The following HTRA3 variants were observed in gnomAD, a reference collection of about 807,000 sequenced individuals.
HTRA3 encodes the protein HtrA serine peptidase 3, also known as serine protease HTRA3.
In HTRA3, 41 loss-of-function variants were observed where a neutral mutation model predicts 43.2. The observed-to-expected ratio is 0.95, with a 90% confidence interval of 0.74 to 1.23. HTRA3 has a LOEUF of 1.23. HTRA3 is among the 50% of genes most tolerant of loss of function. The pLI, the probability that HTRA3 is intolerant of heterozygous loss-of-function variation, is 0.00. For missense variants in HTRA3, 628 were observed against 647.1 expected (o/e 0.97, Z 0.32); for synonymous variants, 295 against 287.9 (o/e 1.02, Z -0.25).
In HTRA3 at chr4:8,295,893, AG is replaced by A; in HGVS notation, c.1051+1693del. On this transcript the variant is annotated intron_variant, in intron 6 of 8. Transcript: ENST00000307358. This position sits in a 1 kb window ranked among gnomAD's most constrained non-coding sequence, Gnocchi z 6.9. Reference sequence around the variant, plus strand: ...GGGAAGACAATCTGGAGCCAGGCAGAGCCTGTCTTTCCCAAAGAAGCTGAAG... The same window carrying A: ...GGGAAGACAATCTGGAGCCAGGCAGACCTGTCTTTCCCAAAGAAGCTGAAG... 8.9e-6 allele frequency: 11 copies of A among 1,234,618 alleles called. No homozygotes were observed. Among genetic ancestry groups the A allele is most frequent in the Non-Finnish European group, 1.1e-5 (11 of 988,608 alleles). The allele number at this position is 1,234,618 out of a possible 1,614,324, so 76.5% of individuals were successfully genotyped here. A position where few individuals can be genotyped will look rare whatever the true frequency, so the allele number is the denominator to read the frequency against.
intron 7 of HTRA3, among the ~76,000 whole-genome samples, chr4:8,303,740 C>G (rs1713738595): frequency 6.6e-6 from 1 of 151,494 alleles, no homozygotes; most frequent in African/African-American, 2.5e-5. Flanking sequence ...CATGACTCAG[C>G]ATTGTCTGTT....
chr4:8,302,192 C>G (rs571978607), intron 6 of HTRA3, among the ~76,000 whole-genome samples: 1 of 152,134 alleles, frequency 6.6e-6, no homozygotes, highest in African/African-American at 2.4e-5. Context: ...GAGCAGATGT[C>G]GGAGCTCACA....
rs563327501 is a variant in HTRA3 at position 8,282,600 on chromosome 4, G to A, written c.485+64G>A. 123 of 1,303,492 alleles carry A rather than the reference G, an allele frequency of 9.4e-5. 1 individual carries two copies. The South Asian group carries it at 1.5e-3, about 16-fold the overall frequency. The allele number at this position is 1,303,492 out of a possible 1,614,324, so 80.7% of individuals were successfully genotyped here. A position where few individuals can be genotyped will look rare whatever the true frequency, so the allele number is the denominator to read the frequency against. ...TCCCCTGGTACACCCGCCAGCTGCT[G>A]GGGCCCAAACCAGGCTTGATTCTGC... On this transcript the variant is annotated intron_variant, in intron 2 of 8. Transcript: ENST00000307358.
chr4:8,306,773 C>G lies in HTRA3; in HGVS notation c.*637C>G, dbSNP rs73083656. 1 of 152,630 alleles carries G rather than the reference C, an allele frequency of 6.6e-6. No homozygotes were observed. The highest frequency in any genetic ancestry group is 2.4e-5 in the African/African-American group (1 of 41,456). The allele number at this position is 152,630 out of a possible 1,614,324, so 9.5% of individuals were successfully genotyped here. On this transcript the variant is annotated 3_prime_UTR_variant, in exon 9 of 9. Transcript: ENST00000307358. The surrounding 1 kb of genome is among the most constrained non-coding windows in gnomAD (Gnocchi z 8.9). ...TTTCCTCCCCAGGCAGGCAGGAGGC[C>G]GCGGGGAGCACGTGGAAAGTTGGCT...
intron 8 of HTRA3, among the ~76,000 whole-genome samples, chr4:8,305,700 G>T (rs1315124911): frequency 6.6e-6 from 1 of 152,202 alleles, no homozygotes; most frequent in African/African-American, 2.4e-5. Flanking sequence ...AGGGGACAGA[G>T]TGCCTGGCCC....
intron 7 of HTRA3, among the ~76,000 whole-genome samples, chr4:8,303,733 G>A (rs1326198727): frequency 6.6e-6 from 1 of 151,426 alleles, no homozygotes; most frequent in Non-Finnish European, 1.5e-5. Flanking sequence ...TCTGTTCCAT[G>A]ACTCAGCATT....
chr4:8,285,052 G>A (rs4696790), intron 2 of HTRA3, among the ~76,000 whole-genome samples: 2 of 151,774 alleles, frequency 1.3e-5, no homozygotes, highest in African/African-American at 4.8e-5. Context: ...AGTGTTTTCC[G>A]CAGTCCTTGG....
At chr4:8,278,118 G>A (rs1158419746) in intron 1 of HTRA3, among the ~76,000 whole-genome samples, 3 of 152,128 alleles carry the variant, frequency 2.0e-5, no homozygotes, top group Admixed American at 6.5e-5. Context: ...CCTCAGTGTC[G>A]CCATCTGTTC....
intron 3 of HTRA3, among the ~76,000 whole-genome samples, chr4:8,287,853 C>A (rs866742903): frequency 2.6e-5 from 4 of 152,186 alleles, no homozygotes; most frequent in Non-Finnish European, 5.9e-5. Context: ...TCAGCTAGGA[C>A]CCCGGCCTCC....
In HTRA3 at chr4:8,286,812, G is replaced by A; in HGVS notation, c.708+29G>A. On this transcript the variant is annotated intron_variant, in intron 3 of 8. Transcript: ENST00000307358. The surrounding 1 kb of genome is among the most constrained non-coding windows in gnomAD (Gnocchi z 4.9). ...GGTGGGCGTGGGTGGAGGGGCGGAA[G>A]CACCTGGGGCTGGGCATGGTGGCCT... 6.5e-7 allele frequency: 1 copy of A among 1,546,524 alleles called. No homozygotes were observed. Among genetic ancestry groups the A allele is most frequent in the Non-Finnish European group, 8.9e-7 (1 of 1,124,500 alleles).
intron 1 of HTRA3, among the ~76,000 whole-genome samples, chr4:8,271,367 A>G (rs969236273): frequency 9.2e-5 from 14 of 152,298 alleles, no homozygotes; most frequent in African/African-American, 3.1e-4. Context: ...AGTGTCCTCA[A>G]TTGATGAAAC....
chr4:8,280,814 G>T (rs1471522467), intron 1 of HTRA3, among the ~76,000 whole-genome samples: 19 of 152,206 alleles, frequency 1.2e-4, no homozygotes, highest in African/African-American at 4.6e-4. Context: ...ACGAGGGCTG[G>T]TGTGGTTGGT....
intron 7 of HTRA3, 23 bp from the exon 8 acceptor site, chr4:8,304,161 C>A (rs376767441): frequency 6.9e-6 from 11 of 1,601,148 alleles, no homozygotes; most frequent in Non-Finnish European, 8.6e-6. Context: ...AGGGGAGGGG[C>A]CTTGACGGCA....
At chr4:8,270,935 C>T (rs545948014) in intron 1 of HTRA3, among the ~76,000 whole-genome samples, 1 of 152,300 alleles carries the variant, frequency 6.6e-6, no homozygotes, top group East Asian at 1.9e-4. Context: ...TGCATCTCAC[C>T]GTGCAGGTTG....
chr4:8,297,171 C>G lies in HTRA3; in HGVS notation c.1051+2970C>G, dbSNP rs185160915. Among the ~76,000 whole-genome samples the G allele has an allele frequency of 0.016, 2,491 of 152,094 alleles. 55 individuals carry two copies. The highest frequency in any genetic ancestry group is 0.061 in the East Asian group (314 of 5,124). ...CAATAGTGGAAAAGTCTGGGGAAGG[C>G]AGCCCAGCCACCTGGCAGGAGCAGG... On this transcript the variant is annotated intron_variant, in intron 6 of 8. Transcript: ENST00000307358. This position sits in a 1 kb window ranked among gnomAD's most constrained non-coding sequence, Gnocchi z 5.8.
intron 7 of HTRA3, 111 bp downstream of exon 7, chr4:8,302,622 G>A (rs1713702669): frequency 6.1e-6 from 6 of 984,090 alleles, no homozygotes; most frequent in East Asian, 2.5e-5. Context: ...GTGCCCAGAC[G>A]GGCCGATGCA....
Position 8,291,938 on chromosome 4 carries a change from C to T in HTRA3, c.903+374C>T, listed in dbSNP as rs1392453471. Among the ~76,000 whole-genome samples the T allele has an allele frequency of 3.3e-5, 5 of 152,372 alleles. No individual in the cohort carries two copies. In the South Asian group the frequency reaches 1.0e-3, roughly 32 times the overall value. ...CACAAAGCACTTCACCCAGATGCCC[C>T]AGATCACGTCCATCCAGCTTTGCCG... On this transcript the variant is annotated intron_variant, in intron 4 of 8. Coordinates refer to ENST00000307358, the MANE Select transcript of HTRA3 (RefSeq NM_053044.5).
chr4:8,275,284 A>G (rs1422697021), intron 1 of HTRA3, among the ~76,000 whole-genome samples: 2 of 152,076 alleles, frequency 1.3e-5, no homozygotes, highest in Non-Finnish European at 2.9e-5. Flanking sequence ...CTGCCCTCCC[A>G]TGCAGCCCCA....
At position 8,306,263 on chromosome 4, in the gene HTRA3, G is replaced by C. The variant is rs1713846703; in HGVS notation, c.*127G>C. On this transcript the variant is annotated 3_prime_UTR_variant, in exon 9 of 9. Coordinates refer to ENST00000307358, the MANE Select transcript of HTRA3 (RefSeq NM_053044.5). The surrounding 1 kb of genome is among the most constrained non-coding windows in gnomAD (Gnocchi z 8.9). ...CGGCAGCCTCCTCCTGGCTGTCCGG[G>C]GCAGAGCGGAGGCTGGGCTTGGCCA... The C allele has an allele frequency of 1.1e-5, 11 of 1,042,068 alleles. No homozygotes were observed. In the South Asian group the frequency reaches 1.9e-4, roughly 18 times the overall value. The allele number at this position is 1,042,068 out of a possible 1,614,324, so 64.6% of individuals were successfully genotyped here. A position where few individuals can be genotyped will look rare whatever the true frequency, so the allele number is the denominator to read the frequency against.
Sources: gnomAD v4.1 joint callset for allele counts (sites outside exome capture counted in the v4.1 genomes callset) on GRCh38, gnomAD v4.1.1 for gene constraint, Gnocchi (gnomAD v3.1) non-coding constraint, MANE v1.5 for transcripts, NCBI Gene and HGNC (gene_info 2026-07-23, HGNC 2026-07-21) for gene names.